The following HECTD4 variants were observed in gnomAD, a reference collection of about 807,000 sequenced individuals.
The protein encoded by HECTD4 is probable E3 ubiquitin-protein ligase HECTD4.
HECTD4 carries 114 observed loss-of-function variants against 471.5 expected under a neutral mutation model. The observed-to-expected ratio is 0.24, with a 90% CI of 0.21 to 0.28. HECTD4 has a LOEUF of 0.28. HECTD4 is among the 10% of genes least tolerant of loss of function. HECTD4 has a pLI of 1.00. For synonymous variants in HECTD4, 2,012 were observed against 2,256.0 expected, an observed-to-expected ratio of 0.89 and a Z score of 3.07; for missense variants, 3,866 against 5,651.5, an observed-to-expected ratio of 0.68 and a Z score of 10.13.
chr12:112,193,358 C>A lies in HECTD4; in HGVS notation c.8955+111G>T, dbSNP rs968393755. The A allele has an allele frequency of 4.5e-6, 6 of 1,343,232 alleles. No individual in the cohort carries two copies. The African/African-American group carries it at 7.3e-5, about 16-fold the overall frequency. 83.2% of individuals were successfully genotyped at this position (1,343,232 alleles called of 1,614,324 possible). ...AGAAAAGCTTCTAGGAAAAGGAAAT[C>A]GAGAGGAATAGGGACTTGGAAGGGA... On this transcript the variant is annotated intron_variant, in intron 57 of 75. Coordinates refer to ENST00000682272, the MANE Select transcript of HECTD4 (RefSeq NM_001388303.1). The surrounding 1 kb of genome is among the most constrained non-coding windows in gnomAD (Gnocchi z 5.2).
At chr12:112,295,363 G>A (rs911127652) in intron 7 of HECTD4, among the ~76,000 whole-genome samples, 1 of 146,860 alleles carries the variant, frequency 6.8e-6, no homozygotes, top group African/African-American at 2.6e-5. Flanking sequence ...TTTCTGGTAA[G>A]GTGATTTTTT....
At chr12:112,255,511 T>A (rs573815904) in intron 21 of HECTD4, among the ~76,000 whole-genome samples, 43 of 152,256 alleles carry the variant, frequency 2.8e-4, no homozygotes, top group African/African-American at 9.4e-4. Context: ...ATTTTTAACC[T>A]AAAAACCTCC....
intron 29 of HECTD4, among the ~76,000 whole-genome samples, chr12:112,245,062 C>T (rs1397134002): frequency 6.6e-6 from 1 of 152,154 alleles, no homozygotes; most frequent in Non-Finnish European, 1.5e-5. Context: ...AAGAGCAGTG[C>T]TGCAATCATG....
intron 3 of HECTD4, 87 bp from the exon 4 acceptor site, chr12:112,313,234 C>A: frequency 9.3e-7 from 1 of 1,079,072 alleles, no homozygotes; most frequent in Non-Finnish European, 1.2e-6. Context: ...GAGTAGAAAC[C>A]AAAATTTTAA....
In HECTD4 at chr12:112,161,051, A is replaced by T. The variant is rs934962849; in HGVS notation, c.*1336T>A. On this transcript the variant is annotated 3_prime_UTR_variant, in exon 76 of 76. Coordinates refer to ENST00000682272, the MANE Select transcript of HECTD4 (RefSeq NM_001388303.1). Reference sequence around the variant, plus strand: ...CAATCTTTCCAGCAGGCCAGGGCACATCTTCTTTCTTGGACCAGCATCCAC... The same window carrying T: ...CAATCTTTCCAGCAGGCCAGGGCACTTCTTCTTTCTTGGACCAGCATCCAC... 4.6e-5 allele frequency: 7 copies of T among 152,244 alleles called. No homozygotes were observed. Among genetic ancestry groups the T allele is most frequent in the Non-Finnish European group, 1.0e-4 (7 of 68,058 alleles). The allele number at this position is 152,244 out of a possible 1,614,324, so 9.4% of individuals were successfully genotyped here.
chr12:112,329,031 T>G (rs2035798156), intron 1 of HECTD4, among the ~76,000 whole-genome samples: 1 of 152,212 alleles, frequency 6.6e-6, no homozygotes, highest in African/African-American at 2.4e-5. Context: ...TTCAAATTCT[T>G]TTACCATGAA....
chr12:112,251,247 C>T (rs1205066466), intron 23 of HECTD4, 113 bp from the exon 24 acceptor site: 71 of 971,552 alleles, frequency 7.3e-5, no homozygotes, highest in Non-Finnish European at 1.0e-4. Context: ...AGAGCAGCAT[C>T]GAGTATCACT....
At chr12:112,227,105 G>A (rs748421065) in intron 43 of HECTD4, among the ~76,000 whole-genome samples, 6 of 152,126 alleles carry the variant, frequency 3.9e-5, no homozygotes, top group Non-Finnish European at 8.8e-5. Flanking sequence ...TCAAAAAGTG[G>A]GAAAATCTGT....
intron 8 of HECTD4, among the ~76,000 whole-genome samples, chr12:112,279,851 G>A (rs758727941): frequency 2.5e-4 from 38 of 152,156 alleles, no homozygotes; most frequent in Non-Finnish European, 5.1e-4. Flanking sequence ...CTTAAGAGTT[G>A]AGCATTCCTA....
Position 112,193,421 on chromosome 12 carries a change from G to C in HECTD4, c.8955+48C>G. ...TTTCAGCAAGCCAGTGAGACTCCCA[G>C]TTAAAAATGGTAACCACACTGCAGG... On this transcript the variant is annotated intron_variant, in intron 57 of 75. Transcript: ENST00000682272. This position sits in a 1 kb window ranked among gnomAD's most constrained non-coding sequence, Gnocchi z 5.2. The C allele has an allele frequency of 6.5e-7, 1 of 1,535,354 alleles. No individual in the cohort carries two copies. Among genetic ancestry groups the C allele is most frequent in the Non-Finnish European group, 8.9e-7 (1 of 1,126,266 alleles).
At chr12:112,335,511 T>C (rs1225481273) in intron 1 of HECTD4, among the ~76,000 whole-genome samples, 1 of 152,060 alleles carries the variant, frequency 6.6e-6, no homozygotes, top group Non-Finnish European at 1.5e-5. Flanking sequence ...GCCAACATGG[T>C]GAAACCCTGT....
At position 112,265,222 on chromosome 12, in the gene HECTD4, G is replaced by T. The variant is rs1380866084; in HGVS notation, c.2572C>A (p.Gln858Lys). ...TGAAAATCATCTTTAGAGACAGTTT[G>T]GCACTTGGTGATTAAGATACAGGAT... The part of the protein sequence containing the change: ...RESCILITKC[Q>K]TVSKDDFQKL... Residue 858 changes from glutamine (Q) to lysine (K), a missense_variant, in exon 16 of 76, where the codon CAA becomes AAA. Gln to Lys is a moderately conservative substitution (Grantham distance 53, BLOSUM62 1). Transcript: ENST00000682272. 6.2e-7 allele frequency: 1 copy of T among 1,606,790 alleles called. No individual in the cohort carries two copies. The highest frequency in any genetic ancestry group is 1.1e-5 in the South Asian group (1 of 89,562).
intron 16 of HECTD4, 51 bp from the exon 17 acceptor site, chr12:112,264,263 G>A (rs200988136): frequency 1.7e-5 from 24 of 1,403,738 alleles, no homozygotes; most frequent in Non-Finnish European, 2.2e-5. Flanking sequence ...CTGAAAGAGC[G>A]ATCATGTAAT....
chr12:112,311,506 C>T (rs1457360372), intron 4 of HECTD4, among the ~76,000 whole-genome samples: 2 of 150,906 alleles, frequency 1.3e-5, no homozygotes. Flanking sequence ...TGCCTGTGGT[C>T]CCAGCTACTC....
intron 4 of HECTD4, 33 bp downstream of exon 4, chr12:112,312,984 C>T (rs1252550488): frequency 2.6e-6 from 4 of 1,526,042 alleles, no homozygotes; most frequent in East Asian, 4.9e-5. Context: ...TTACATCTTA[C>T]TATTAATCAC....
chr12:112,280,338 G>A (rs1408365915), intron 8 of HECTD4, among the ~76,000 whole-genome samples: 1 of 152,078 alleles, frequency 6.6e-6, no homozygotes, highest in East Asian at 1.9e-4. Flanking sequence ...GGCATATCTA[G>A]AAAGTGGAGT....
At chr12:112,263,724 TACACACACACACACACACACACACAC>T (rs367597011) in intron 17 of HECTD4, among the ~76,000 whole-genome samples, 5 of 125,034 alleles carry the variant, frequency 4.0e-5, no homozygotes, top group East Asian at 2.1e-4. Flanking sequence ...TATATATATA[TACACACACACACACACACACACACAC>T]ATACACATAT....
chr12:112,178,982 C>T lies in HECTD4; in HGVS notation c.11312G>A (p.Arg3771Gln), dbSNP rs779226503. 6 of 1,612,964 alleles carry T rather than the reference C, an allele frequency of 3.7e-6. No individual in the cohort carries two copies. Among genetic ancestry groups the T allele is most frequent in the Non-Finnish European group, 3.4e-6 (4 of 1,179,650 alleles). Residue 3771 changes from arginine to glutamine, a missense_variant, in exon 64 of 76, where the codon CGG becomes CAG. Transcript: ENST00000682272. ...CTTGGCGGGCGGCTTGGTGATAGGC[C>T]GCTTGGTGCTCACCACCTTCACGGG... is the stretch of plus-strand genomic sequence containing the variant. Reference protein sequence around the residue: ...QHPVKVVSTKRPITKPPAKDK... With the variant: ...QHPVKVVSTKQPITKPPAKDK...
intron 1 of HECTD4, among the ~76,000 whole-genome samples, chr12:112,350,453 T>A (rs771596287): frequency 6.6e-6 from 1 of 152,202 alleles, no homozygotes; most frequent in Non-Finnish European, 1.5e-5. Context: ...TCTCATAAGC[T>A]TTTAAGTATT....
Sources: gnomAD v4.1 joint callset for allele counts (sites outside exome capture counted in the v4.1 genomes callset) on GRCh38, gnomAD v4.1.1 for gene constraint, Gnocchi (gnomAD v3.1) non-coding constraint, MANE v1.5 for transcripts, NCBI Gene and HGNC (gene_info 2026-07-23, HGNC 2026-07-21) for gene names.